CNTN3: variants seen among roughly 807,000 people sequenced by gnomAD.
CNTN3 encodes contactin-3.
In CNTN3, 60 loss-of-function variants were observed where a neutral mutation model predicts 119.1. The ratio of observed to expected loss-of-function variants is 0.50; its 90% CI spans 0.41 to 0.62. The LOEUF is 0.62. CNTN3 is among the 20% of genes least tolerant of loss of function. The probability of loss-of-function intolerance (pLI) is 0.00; values close to 1 mark genes in which losing one functional copy is unlikely to be tolerated. For missense variants in CNTN3, 1,101 were observed against 1,242.4 expected (o/e 0.89, Z 1.71); for synonymous variants, 450 against 438.7 (o/e 1.03, Z -0.32).
rs1169293526 is a variant in CNTN3 at position 74,344,385 on chromosome 3, C to A, written c.1365-7727G>T. On this transcript the variant is annotated intron_variant, in intron 11 of 22. Transcript: ENST00000263665. Reference sequence around the variant, plus strand: ...CAATATTTAAGTAGTTCATTTACAACCTTACACAGTGGTTTTTTTTTTTTT... The same window carrying A: ...CAATATTTAAGTAGTTCATTTACAAACTTACACAGTGGTTTTTTTTTTTTT... Among the ~76,000 whole-genome samples, 3 of 141,510 alleles carry A rather than the reference C, an allele frequency of 2.1e-5. No individual in the cohort carries two copies. The East Asian group carries it at 6.4e-4, about 30-fold the overall frequency. The allele number at this position is 141,510 out of a possible 152,430, so 92.8% of individuals were successfully genotyped here. A position where few individuals can be genotyped will look rare whatever the true frequency, so the allele number is the denominator to read the frequency against.
At chr3:74,271,609 G>A (rs191812381) in intron 20 of CNTN3, among the ~76,000 whole-genome samples, 9 of 152,248 alleles carry the variant, frequency 5.9e-5, no homozygotes, top group Non-Finnish European at 1.2e-4. Context: ...AACTCAGTAT[G>A]TTTCTCAACT....
chr3:74,317,495 T>A (rs982515755), intron 13 of CNTN3, among the ~76,000 whole-genome samples: 18 of 152,180 alleles, frequency 1.2e-4, no homozygotes, highest in Non-Finnish European at 2.2e-4. Context: ...CTTTCCATGT[T>A]TAGTGCTTCC....
chr3:74,420,736 G>T (rs1408826593), intron 5 of CNTN3, among the ~76,000 whole-genome samples: 1 of 152,172 alleles, frequency 6.6e-6, no homozygotes, highest in South Asian at 2.1e-4. Flanking sequence ...TTTAGAGCAT[G>T]CCATACTAGA....
intron 1 of CNTN3, among the ~76,000 whole-genome samples, chr3:74,531,872 T>C (rs778840242): frequency 1.3e-5 from 2 of 151,918 alleles, no homozygotes; most frequent in African/African-American, 4.8e-5. Flanking sequence ...CCTTCTAGTA[T>C]GATGGAAACA....
chr3:74,395,039 A>T (rs903285918), intron 5 of CNTN3, among the ~76,000 whole-genome samples: 22 of 152,288 alleles, frequency 1.4e-4, no homozygotes, highest in Admixed American at 1.3e-3. Context: ...GATTTTTTTT[A>T]AATTGTAATA....
chr3:74,455,661 T>C (rs1172564744), intron 4 of CNTN3, among the ~76,000 whole-genome samples: 1 of 152,058 alleles, frequency 6.6e-6, no homozygotes. Flanking sequence ...ATGATGGTGA[T>C]GTACAGATGT....
chr3:74,301,306 G>T, intron 16 of CNTN3, 92 bp downstream of exon 16: 1 of 1,297,634 alleles, frequency 7.7e-7, no homozygotes, highest in Non-Finnish European at 1.1e-6. Context: ...GATTATTGAG[G>T]CTGACCCCCT....
intron 11 of CNTN3, among the ~76,000 whole-genome samples, chr3:74,343,934 A>G (rs1204541617): frequency 3.3e-5 from 5 of 152,174 alleles, no homozygotes; most frequent in Non-Finnish European, 7.3e-5. Flanking sequence ...TCAGACTCTG[A>G]TTTACAACAA....
intron 9 of CNTN3, 99 bp from the exon 10 acceptor site, chr3:74,364,695 T>G (rs1704149342): frequency 7.4e-6 from 8 of 1,076,066 alleles, no homozygotes; most frequent in Non-Finnish European, 1.1e-5. Flanking sequence ...CTTTCTGCAT[T>G]TTTCTGAGAG....
intron 1 of CNTN3, among the ~76,000 whole-genome samples, chr3:74,527,353 G>A (rs564657381): frequency 3.3e-5 from 5 of 151,896 alleles, no homozygotes; most frequent in African/African-American, 1.2e-4. Flanking sequence ...GCAATCACTG[G>A]ACAAAAGTAG....
chr3:74,519,471 G>T (rs1405865194), intron 2 of CNTN3, among the ~76,000 whole-genome samples: 2 of 151,718 alleles, frequency 1.3e-5, no homozygotes, highest in Non-Finnish European at 3.0e-5. Flanking sequence ...TTTAAAAGCT[G>T]ATCTCATTTT....
chr3:74,598,527 G>A lies in CNTN3; in HGVS notation c.-81+15864C>T, dbSNP rs1009083206. Among the ~76,000 whole-genome samples, 6 of 151,946 alleles carry A rather than the reference G, an allele frequency of 3.9e-5. 1 individual carries two copies. Among genetic ancestry groups the A allele is most frequent in the South Asian group, 4.2e-4 (2 of 4,802 alleles). ...CCAGGCTGAGTGCAGTGGCATGATCGCAGCTCACTGAAGTCTTGACCTCCC... is the reference window on the plus strand; with the variant it reads ...CCAGGCTGAGTGCAGTGGCATGATCACAGCTCACTGAAGTCTTGACCTCCC... On this transcript the variant is annotated intron_variant, in intron 1 of 22. Coordinates refer to ENST00000263665, the MANE Select transcript of CNTN3 (RefSeq NM_020872.3).
chr3:74,346,365 G>T (rs924238659), intron 11 of CNTN3, among the ~76,000 whole-genome samples: 4 of 151,832 alleles, frequency 2.6e-5, no homozygotes, highest in Admixed American at 2.6e-4. Flanking sequence ...AAACAGGATA[G>T]ATTTTTATAT....
At chr3:74,499,574 A>G in intron 3 of CNTN3, 85 bp downstream of exon 3, 1 of 1,336,742 alleles carries the variant, frequency 7.5e-7, no homozygotes, top group Non-Finnish European at 1.0e-6. Context: ...GATGGCATAA[A>G]TATATTGAAG....
intron 4 of CNTN3, 99 bp downstream of exon 4, chr3:74,486,357 T>C: frequency 9.3e-7 from 1 of 1,075,666 alleles, no homozygotes; most frequent in Non-Finnish European, 1.3e-6. Flanking sequence ...ACTGAATTAA[T>C]AAAACCCATG....
At position 74,539,071 on chromosome 3, in the gene CNTN3, C is replaced by T. The variant is rs1381960270; in HGVS notation, c.-80-17879G>A. On this transcript the variant is annotated intron_variant, in intron 1 of 22. Transcript: ENST00000263665. ...TCTAATATTTTAAAAAGAAAGCCTC[C>T]CATTAATTTCGATATATGCTAAGAT... Among the ~76,000 whole-genome samples, 3 of 152,094 alleles carry T rather than the reference C, an allele frequency of 2.0e-5. No individual in the cohort carries two copies. The East Asian group carries it at 5.8e-4, about 30-fold the overall frequency.
rs372400137 is a variant in CNTN3, at chr3:74,369,861, AC to A, written c.761+27del. 128 of 1,166,336 alleles carry A rather than the reference AC, an allele frequency of 1.1e-4. 2 individuals are homozygous for A. The East Asian group carries it at 2.4e-3, about 22-fold the overall frequency. The allele number at this position is 1,166,336 out of a possible 1,614,324, so 72.2% of individuals were successfully genotyped here. A position where few individuals can be genotyped will look rare whatever the true frequency, so the allele number is the denominator to read the frequency against. Reference sequence around the variant, plus strand: ...TCTTATAGCAACCTAATATTTCAGCACATAGGAGTAAATGTTATAAAACTTA... The same window carrying A: ...TCTTATAGCAACCTAATATTTCAGCAATAGGAGTAAATGTTATAAAACTTA... On this transcript the variant is annotated intron_variant, in intron 7 of 22. Coordinates refer to ENST00000263665, the MANE Select transcript of CNTN3 (RefSeq NM_020872.3).
intron 1 of CNTN3, among the ~76,000 whole-genome samples, chr3:74,612,461 G>T (rs1705099170): frequency 6.6e-6 from 1 of 152,138 alleles, no homozygotes; most frequent in Admixed American, 6.5e-5. Context: ...TTCTCCTGGA[G>T]AAATGAACTT....
At chr3:74,308,970 C>T (rs1309451868) in intron 13 of CNTN3, among the ~76,000 whole-genome samples, 1 of 152,088 alleles carries the variant, frequency 6.6e-6, no homozygotes, top group Non-Finnish European at 1.5e-5. Flanking sequence ...AATTTAAATG[C>T]TCACTAAGCT....
Sources: gnomAD v4.1 joint callset for allele counts (sites outside exome capture counted in the v4.1 genomes callset) on GRCh38, gnomAD v4.1.1 for gene constraint, MANE v1.5 for transcripts, NCBI Gene and HGNC (gene_info 2026-07-23, HGNC 2026-07-21) for gene names.